Variants in CACNA1E observed in about 807,000 individuals in gnomAD.
CACNA1E encodes voltage-dependent R-type calcium channel subunit alpha-1E.
Under a neutral mutation model 259.2 loss-of-function variants are expected in CACNA1E, and 40 were observed. That is an observed-to-expected ratio of 0.15 (90% CI 0.12 to 0.20). The LOEUF (loss-of-function observed/expected upper bound fraction) is 0.20, where lower values mean the gene tolerates loss of function less well. Among genes scored for constraint, CACNA1E ranks in the 10% least tolerant of loss-of-function variants. The pLI, the probability that CACNA1E is intolerant of heterozygous loss-of-function variation, is 1.00. For missense variants in CACNA1E, 1,874 were observed against 3,040.1 expected (o/e 0.62, Z 9.02); for synonymous variants, 1,104 against 1,138.5 (o/e 0.97, Z 0.61).
At chr1:181,470,444 A>T (rs559475815) in intron 2 of CACNA1E, among the ~76,000 whole-genome samples, 1 of 151,872 alleles carries the variant, frequency 6.6e-6, no homozygotes, top group African/African-American at 2.4e-5. Context: ...CTGATCTCAA[A>T]CTCCTGGCTT....
intron 47 of CACNA1E, 42 bp downstream of exon 47, chr1:181,796,900 G>A (rs745567695): frequency 1.8e-5 from 26 of 1,438,876 alleles, no homozygotes; most frequent in Non-Finnish European, 2.4e-5. Flanking sequence ...GAAGGACAGG[G>A]GAGGGTGGGC....
At chr1:181,323,834 TG>T (rs2102569296) in intron 1 of CACNA1E, among the ~76,000 whole-genome samples, 1 of 152,358 alleles carries the variant, frequency 6.6e-6, no homozygotes, top group East Asian at 1.9e-4. Flanking sequence ...CTTCTTTTTT[TG>T]TTGGATCTCA....
At chr1:181,619,959 G>C (rs1384196392) in intron 6 of CACNA1E, among the ~76,000 whole-genome samples, 1 of 152,082 alleles carries the variant, frequency 6.6e-6, no homozygotes, top group Non-Finnish European at 1.5e-5. Flanking sequence ...ATCCATAGAG[G>C]ATCTTTTGTA....
At chr1:181,502,283 T>C (rs769202963) in intron 1 of CACNA1E, among the ~76,000 whole-genome samples, 1 of 152,234 alleles carries the variant, frequency 6.6e-6, no homozygotes, top group Non-Finnish European at 1.5e-5. Flanking sequence ...AATAGGAAGA[T>C]AGTCCATATA....
intron 3 of CACNA1E, among the ~76,000 whole-genome samples, chr1:181,540,392 A>G (rs1212427365): frequency 6.6e-6 from 1 of 152,198 alleles, no homozygotes; most frequent in Non-Finnish European, 1.5e-5. Context: ...CCTGGCACTT[A>G]GTAGTTATTC....
Position 181,460,054 on chromosome 1 carries a change from C to T in CACNA1E, c.435-23690C>T, listed in dbSNP as rs186971278. Among the ~76,000 whole-genome samples, 26 of 152,290 alleles carry T rather than the reference C, an allele frequency of 1.7e-4. No homozygotes were observed. The East Asian group carries it at 4.2e-3, about 25-fold the overall frequency. The stretch of plus-strand genomic sequence containing the variant: ...GCGTTTGCATACCTTAATAAAGGCA[C>T]CTGAACCCTTGCCTCAGGCTCTGCT... On this transcript the variant is annotated intron_variant, in intron 2 of 11. Coordinates refer to the CACNA1E transcript ENST00000524607.
chr1:181,789,588 G>A (rs1310123346), intron 43 of CACNA1E, among the ~76,000 whole-genome samples: 2 of 152,078 alleles, frequency 1.3e-5, no homozygotes, highest in Non-Finnish European at 2.9e-5. Context: ...TCTTGAGCAG[G>A]TCAGATGGTA....
At chr1:181,542,417 G>A (rs969665593) in intron 3 of CACNA1E, among the ~76,000 whole-genome samples, 3 of 152,166 alleles carry the variant, frequency 2.0e-5, no homozygotes, top group Non-Finnish European at 4.4e-5. Flanking sequence ...GTTTGGCTTT[G>A]TGTCTCCACC....
intron 1 of CACNA1E, among the ~76,000 whole-genome samples, chr1:181,351,908 T>A (rs1258430440): frequency 6.6e-6 from 1 of 152,230 alleles, no homozygotes; most frequent in Admixed American, 6.5e-5. Flanking sequence ...GAGACTGGAA[T>A]GCGAGCATAG....
At chr1:181,591,545 G>A (rs1652645495) in intron 6 of CACNA1E, among the ~76,000 whole-genome samples, 1 of 151,814 alleles carries the variant, frequency 6.6e-6, no homozygotes, top group African/African-American at 2.4e-5. Context: ...TTGAATAAAT[G>A]TTCTTTATTA....
chr1:181,320,990 A>C (rs760150513), intron 1 of CACNA1E, among the ~76,000 whole-genome samples: 1 of 152,142 alleles, frequency 6.6e-6, no homozygotes, highest in Non-Finnish European at 1.5e-5. Flanking sequence ...AGGCTTCAGG[A>C]AGCTTTCACT....
At chr1:181,789,448 C>T (rs1661108446) in intron 43 of CACNA1E, among the ~76,000 whole-genome samples, 2 of 152,230 alleles carry the variant, frequency 1.3e-5, no homozygotes, top group South Asian at 2.1e-4. Flanking sequence ...CCATTGGATG[C>T]AGAGTCATCA....
intron 2 of CACNA1E, among the ~76,000 whole-genome samples, chr1:181,417,782 G>A (rs1270315696): frequency 1.3e-5 from 2 of 152,038 alleles, no homozygotes; most frequent in African/African-American, 4.8e-5. Flanking sequence ...TACTTCACTG[G>A]GAAAATAGCA....
At chr1:181,660,347 A>G (rs929497177) in intron 7 of CACNA1E, among the ~76,000 whole-genome samples, 4 of 152,240 alleles carry the variant, frequency 2.6e-5, no homozygotes, top group Non-Finnish European at 4.4e-5. Flanking sequence ...AGATGGGTAA[A>G]ATGAGGAGAT....
chr1:181,486,054 C>CT (rs1046699069), intron 1 of CACNA1E, among the ~76,000 whole-genome samples: 1 of 152,262 alleles, frequency 6.6e-6, no homozygotes, highest in African/African-American at 2.4e-5. Context: ...ACGTGGTCAC[C>CT]TTTTTTCACG....
At chr1:181,463,679 G>A (rs1445419020) in intron 2 of CACNA1E, among the ~76,000 whole-genome samples, 1 of 152,036 alleles carries the variant, frequency 6.6e-6, no homozygotes, top group Non-Finnish European at 1.5e-5. Flanking sequence ...TTTTTCTTAT[G>A]ATTTCTGAGA....
chr1:181,745,173 T>C (rs1157245063), intron 25 of CACNA1E, among the ~76,000 whole-genome samples: 6 of 152,128 alleles, frequency 3.9e-5, no homozygotes. Flanking sequence ...TCAGTCTACC[T>C]ACTCTTGGCA....
intron 3 of CACNA1E, among the ~76,000 whole-genome samples, chr1:181,535,514 G>A (rs998407562): frequency 9.9e-5 from 15 of 151,934 alleles, no homozygotes; most frequent in African/African-American, 3.6e-4. Flanking sequence ...ATATTTTTAT[G>A]TATATATGTA....
intron 1 of CACNA1E, among the ~76,000 whole-genome samples, chr1:181,361,667 G>A (rs894665274): frequency 1.3e-5 from 2 of 152,136 alleles, no homozygotes; most frequent in Non-Finnish European, 2.9e-5. Flanking sequence ...CCCTCCTACA[G>A]GTGTCTGCCT....
Sources: gnomAD v4.1 joint callset for allele counts (sites outside exome capture counted in the v4.1 genomes callset) on GRCh38, gnomAD v4.1.1 for gene constraint, MANE v1.5 for transcripts, NCBI Gene and HGNC (gene_info 2026-07-23, HGNC 2026-07-21) for gene names.